Variants in TBC1D15 observed in about 807,000 individuals in gnomAD.
TBC1D15 encodes TBC1 domain family member 15.
A neutral mutation model predicts 95.4 loss-of-function variants in TBC1D15; 39 were observed. The ratio of observed to expected loss-of-function variants is 0.41; its 90% CI spans 0.32 to 0.53. The LOEUF (loss-of-function observed/expected upper bound fraction) is 0.53, where lower values mean the gene tolerates loss of function less well. Among genes scored for constraint, TBC1D15 ranks in the 20% least tolerant of loss-of-function variants. TBC1D15 has a pLI of 0.29. For synonymous variants in TBC1D15, 258 were observed against 261.3 expected (o/e 0.99, Z 0.12); for missense variants, 733 against 794.3 (o/e 0.92, Z 0.93).
At chr12:71,919,751 G>C (rs1307689771) in intron 14 of TBC1D15, among the ~76,000 whole-genome samples, 1 of 152,206 alleles carries the variant, frequency 6.6e-6, no homozygotes, top group Non-Finnish European at 1.5e-5. Context: ...CGCTAAGCAT[G>C]TGGGAGTTGT....
intron 5 of TBC1D15, 54 bp from the exon 6 acceptor site, chr12:71,893,168 T>G: frequency 2.0e-6 from 2 of 980,916 alleles, no homozygotes; most frequent in Non-Finnish European, 2.8e-6. Context: ...ATTGTTCATG[T>G]AGTAATTGAT....
intron 12 of TBC1D15, among the ~76,000 whole-genome samples, chr12:71,917,447 T>C (rs969977831): frequency 1.3e-5 from 2 of 152,226 alleles, no homozygotes; most frequent in Non-Finnish European, 2.9e-5. Context: ...AGTTGCTATG[T>C]CTGCATTCTT....
intron 10 of TBC1D15, among the ~76,000 whole-genome samples, chr12:71,901,331 GT>G (rs142369032): frequency 1.3e-5 from 2 of 151,642 alleles, no homozygotes; most frequent in African/African-American, 4.9e-5. Flanking sequence ...CAATATTGCT[GT>G]TTTTTTTGTT....
Position 71,923,322 on chromosome 12 carries a change from T to C in TBC1D15, c.*118T>C, listed in dbSNP as rs1266180548. The C allele has an allele frequency of 2.4e-6, 2 of 847,228 alleles. No individual in the cohort carries two copies. The highest frequency in any genetic ancestry group is 3.7e-6 in the Non-Finnish European group (2 of 543,508). 52.5% of individuals were successfully genotyped at this position (847,228 alleles called of 1,614,324 possible). A position where few individuals can be genotyped will look rare whatever the true frequency, so the allele number is the denominator to read the frequency against. ...TGCTTTAAGGTTTATGTAAAGAAAGTGTACTGATGTTCTTACATTAAAGCT... is the reference window on the plus strand; with the variant it reads ...TGCTTTAAGGTTTATGTAAAGAAAGCGTACTGATGTTCTTACATTAAAGCT... On this transcript the variant is annotated 3_prime_UTR_variant, in exon 17 of 17. Transcript: ENST00000485960.
chr12:71,894,365 A>G, intron 6 of TBC1D15: 3 of 1,612,946 alleles, frequency 1.9e-6, no homozygotes, highest in Non-Finnish European at 2.5e-6. Flanking sequence ...TGGGCCATTC[A>G]CCACTGGAAA....
At chr12:71,878,353 G>A (rs923092645) in intron 3 of TBC1D15, among the ~76,000 whole-genome samples, 9 of 151,934 alleles carry the variant, frequency 5.9e-5, no homozygotes, top group African/African-American at 2.2e-4. Flanking sequence ...CTGATTATTG[G>A]CATGACCTAC....
intron 1 of TBC1D15, among the ~76,000 whole-genome samples, chr12:71,848,302 C>G (rs1886842505): frequency 6.6e-6 from 1 of 152,154 alleles, no homozygotes; most frequent in South Asian, 2.1e-4. Context: ...TTTTATATTT[C>G]CACTGGCAGT....
In TBC1D15 at chr12:71,847,435, G is replaced by A. The variant is rs968682345; in HGVS notation, c.30+7624G>A. On this transcript the variant is annotated intron_variant, in intron 1 of 16. Coordinates refer to ENST00000485960, the MANE Select transcript of TBC1D15 (RefSeq NM_001146213.3). ...CATTGGGCCAGGCACGGTGGCTCAC[G>A]CCTGTAATCCCAGCACTTTGAGAGG... Among the ~76,000 whole-genome samples, 20 of 151,604 alleles carry A rather than the reference G, an allele frequency of 1.3e-4. 1 individual carries two copies. Among genetic ancestry groups the A allele is most frequent in the African/African-American group, 4.1e-4 (17 of 41,230 alleles).
intron 4 of TBC1D15, among the ~76,000 whole-genome samples, chr12:71,881,657 C>T (rs1457234241): frequency 6.6e-6 from 1 of 152,124 alleles, no homozygotes; most frequent in Admixed American, 6.5e-5. Context: ...GTGGCTCACT[C>T]CTGTAATCCC....
chr12:71,845,559 A>G (rs1172966615), intron 1 of TBC1D15, among the ~76,000 whole-genome samples: 1 of 152,224 alleles, frequency 6.6e-6, no homozygotes, highest in Non-Finnish European at 1.5e-5. Context: ...AAATGGAGAT[A>G]CCAAGTAGGT....
At chr12:71,881,435 A>AT (rs1189048353) in intron 4 of TBC1D15, among the ~76,000 whole-genome samples, 1 of 152,156 alleles carries the variant, frequency 6.6e-6, no homozygotes, top group African/African-American at 2.4e-5. Flanking sequence ...GGTAGGTTAG[A>AT]TTTTTAAAAA....
At chr12:71,839,959 C>T in intron 1 of TBC1D15, 148 bp downstream of exon 1, 3 of 1,033,536 alleles carry the variant, frequency 2.9e-6, no homozygotes, top group Non-Finnish European at 1.4e-6. Flanking sequence ...GTGGTACCAG[C>T]TGGTTTCCCG....
At chr12:71,870,139 A>T (rs1418664183) in intron 1 of TBC1D15, among the ~76,000 whole-genome samples, 1 of 152,162 alleles carries the variant, frequency 6.6e-6, no homozygotes, top group Non-Finnish European at 1.5e-5. Context: ...AATCTGCCTC[A>T]TCCTATAACT....
At chr12:71,851,741 C>T (rs1887875777) in intron 1 of TBC1D15, among the ~76,000 whole-genome samples, 1 of 152,244 alleles carries the variant, frequency 6.6e-6, no homozygotes, top group African/African-American at 2.4e-5. Context: ...TGTCCCACAC[C>T]CAGGGCACAC....
At chr12:71,882,588 G>A (rs1210900315) in intron 4 of TBC1D15, among the ~76,000 whole-genome samples, 2 of 152,106 alleles carry the variant, frequency 1.3e-5, no homozygotes, top group Non-Finnish European at 2.9e-5. Flanking sequence ...AAGATATTTT[G>A]AATTCACTCT....
intron 1 of TBC1D15, among the ~76,000 whole-genome samples, chr12:71,870,571 A>G (rs1304755526): frequency 1.3e-5 from 2 of 152,220 alleles, no homozygotes; most frequent in African/African-American, 2.4e-5. Context: ...CACATCCGAG[A>G]GAGGCAGTAA....
intron 1 of TBC1D15, among the ~76,000 whole-genome samples, chr12:71,842,926 A>G (rs1162207408): frequency 6.6e-6 from 1 of 152,056 alleles, no homozygotes; most frequent in Non-Finnish European, 1.5e-5. Flanking sequence ...TCAGAGTTGT[A>G]AAATCCTATT....
At chr12:71,901,281 C>T (rs747441282) in intron 10 of TBC1D15, among the ~76,000 whole-genome samples, 2 of 152,130 alleles carry the variant, frequency 1.3e-5, no homozygotes, top group African/African-American at 4.8e-5. Context: ...CTCAGTGTTG[C>T]AAAGCATTGG....
chr12:71,921,393 T>C lies in TBC1D15; in HGVS notation c.1742T>C (p.Ile581Thr), dbSNP rs373831422. 8.3e-6 allele frequency: 13 copies of C among 1,562,578 alleles called. No individual in the cohort carries two copies. The African/African-American group carries it at 1.4e-4, about 16-fold the overall frequency. The change falls in exon 16 of 17, where the codon ATT becomes ACT. Residue 581 changes from isoleucine to threonine, a missense_variant. Ile to Thr is a moderately conservative substitution (Grantham distance 89). Coordinates refer to ENST00000485960, the MANE Select transcript of TBC1D15 (RefSeq NM_001146213.3). ...LKHINELSMK[I>T]DVEDILCKAE... Reference sequence around the variant, plus strand: ...CATATCAATGAATTGTCCATGAAAATTGATGTGGAAGATATACTCTGCAAG... The same window carrying C: ...CATATCAATGAATTGTCCATGAAAACTGATGTGGAAGATATACTCTGCAAG...
Sources: gnomAD v4.1 joint callset for allele counts (sites outside exome capture counted in the v4.1 genomes callset) on GRCh38, gnomAD v4.1.1 for gene constraint, MANE v1.5 for transcripts, NCBI Gene and HGNC (gene_info 2026-07-23, HGNC 2026-07-21) for gene names.